DYNC1H1: variants seen among roughly 807,000 people sequenced by gnomAD.
DYNC1H1 encodes the protein dynein cytoplasmic 1 heavy chain 1, also known as cytoplasmic dynein 1 heavy chain 1.
In DYNC1H1, 51 loss-of-function variants were observed where a neutral mutation model predicts 527.1. That is an observed-to-expected ratio of 0.10 (90% CI 0.08 to 0.12). The LOEUF (loss-of-function observed/expected upper bound fraction) is 0.12, where lower values mean the gene tolerates loss of function less well. Ranked by LOEUF, DYNC1H1 falls within the 10% of genes least tolerant of loss-of-function variation. The probability of loss-of-function intolerance (pLI) is 1.00; values close to 1 mark genes in which losing one functional copy is unlikely to be tolerated. For missense variants in DYNC1H1, 2,771 were observed against 5,971.8 expected (o/e 0.46, Z 17.66); for synonymous variants, 2,189 against 2,278.8 (o/e 0.96, Z 1.12).
rs2141274673 is a variant in DYNC1H1, at chr14:101,985,971, T to C, written c.1746T>C (p.Phe582=). Residue 582 remains phenylalanine (F), a synonymous_variant, in exon 8 of 78, where the codon TTT becomes TTC. Transcript: ENST00000360184. This position sits in a 1 kb window ranked among gnomAD's most constrained non-coding sequence, Gnocchi z 5.9. Reference sequence around the variant, plus strand: ...CAGCCAAGAATGCCAACGAGATGTTTAGGATTTTCTCCAGGTTTAATGCAC... The same window carrying C: ...CAGCCAAGAATGCCAACGAGATGTTCAGGATTTTCTCCAGGTTTAATGCAC... ...LGTAKNANEM[F]RIFSRFNALF... is the part of the protein sequence containing the mutation. 6.2e-7 allele frequency: 1 copy of C among 1,614,174 alleles called. No homozygotes were observed. The highest frequency in any genetic ancestry group is 1.1e-5 in the South Asian group (1 of 91,086).
chr14:101,980,067 G>A, intron 4 of DYNC1H1, 93 bp downstream of exon 4: 1 of 1,578,210 alleles, frequency 6.3e-7, no homozygotes, highest in Non-Finnish European at 8.6e-7. Context: ...GGTAAATTAT[G>A]TGATAACTTG....
intron 43 of DYNC1H1, 94 bp from the exon 44 acceptor site, chr14:102,026,478 AAC>A (rs1429368474): frequency 5.9e-6 from 8 of 1,355,412 alleles, no homozygotes; most frequent in Non-Finnish European, 8.3e-6. Context: ...TTGCATTTTT[AAC>A]AGTTTCTTCA....
At chr14:101,982,480 T>C (rs1380016621) in intron 5 of DYNC1H1, among the ~76,000 whole-genome samples, 2 of 151,954 alleles carry the variant, frequency 1.3e-5, no homozygotes, top group Non-Finnish European at 2.9e-5. Flanking sequence ...TAGTCCCAGC[T>C]GCTTGGGAGG....
chr14:102,005,261 C>T lies in DYNC1H1; in HGVS notation c.5433+25C>T. On this transcript the variant is annotated intron_variant, in intron 26 of 77. Transcript: ENST00000360184. This position sits in a 1 kb window ranked among gnomAD's most constrained non-coding sequence, Gnocchi z 4.0. Reference sequence around the variant, plus strand: ...GGTTAGTCTCACACCTGACTCCTTCCTTACCAGTTAGACTCTTACACCCTC... The same window carrying T: ...GGTTAGTCTCACACCTGACTCCTTCTTTACCAGTTAGACTCTTACACCCTC... The T allele has an allele frequency of 2.5e-6, 4 of 1,613,748 alleles. No individual in the cohort carries two copies. The highest frequency in any genetic ancestry group is 3.4e-6 in the Non-Finnish European group (4 of 1,179,770).
chr14:102,002,883 C>T lies in DYNC1H1; in HGVS notation c.4801C>T (p.Leu1601=), dbSNP rs781283405. 1 of 1,614,226 alleles carries T rather than the reference C, an allele frequency of 6.2e-7. No homozygotes were observed. The part of the protein sequence containing the change: ...VLNIQGVQRS[L]ERLADLLGKI... ...GAACATCCAGGGAGTACAGAGGTCT[C>T]TGGAAAGATTGGCAGACCTGCTAGG... The change falls in exon 23 of 78, where the codon CTG becomes TTG. Residue 1601 remains leucine (L), a synonymous_variant. Transcript: ENST00000360184. This position sits in a 1 kb window ranked among gnomAD's most constrained non-coding sequence, Gnocchi z 4.4.
intron 18 of DYNC1H1, 57 bp downstream of exon 18, chr14:102,000,456 T>C (rs2048117007): frequency 1.3e-6 from 2 of 1,549,324 alleles, no homozygotes; most frequent in South Asian, 2.3e-5. Context: ...AGACTTTATT[T>C]AGGAACGTGA....
At chr14:101,988,976 GA>G in intron 10 of DYNC1H1, 124 bp downstream of exon 10, 1 of 1,339,514 alleles carries the variant, frequency 7.5e-7, no homozygotes, top group Non-Finnish European at 1.0e-6. Flanking sequence ...ACCAGGTGAT[GA>G]AGGTCAGCCT....
chr14:102,019,842 T>C, intron 41 of DYNC1H1, 51 bp from the exon 42 acceptor site: 1 of 1,611,196 alleles, frequency 6.2e-7, no homozygotes, highest in Non-Finnish European at 8.5e-7. Flanking sequence ...TGACCACTTC[T>C]CTGTGTCTTA....
chr14:102,024,909 T>A (rs2048431707), intron 43 of DYNC1H1, among the ~76,000 whole-genome samples: 1 of 151,798 alleles, frequency 6.6e-6, no homozygotes, highest in Admixed American at 6.6e-5. Flanking sequence ...TTAGCCAGGA[T>A]GGTCTCGATC....
intron 29 of DYNC1H1, chr14:102,009,521 CA>C: frequency 4.3e-6 from 1 of 231,504 alleles, no homozygotes; most frequent in South Asian, 6.1e-5. Flanking sequence ...TTTTTTTTTG[CA>C]CAATTTGTTG....
chr14:102,048,619 A>G lies in DYNC1H1; in HGVS notation c.13322A>G (p.Lys4441Arg). The G allele has an allele frequency of 6.2e-7, 1 of 1,614,048 alleles. No individual in the cohort carries two copies. The highest frequency in any genetic ancestry group is 1.1e-5 in the South Asian group (1 of 91,084). The change falls in exon 74 of 78, where the codon AAG (lysine) becomes AGG (arginine). Residue 4441 changes from lysine (K) to arginine (R), a missense_variant. By Grantham distance (26) the Lys-to-Arg change is conservative. This residue lies in a region of DYNC1H1 where 170 missense variants were observed against 249.8 expected (regional missense o/e 0.68). Transcript: ENST00000360184. The stretch of plus-strand genomic sequence containing the variant: ...GATGTCGTCCAGGTGTGCGAAGGAA[A>G]GAAGAAGCAGACCAACTACTTGCGC... ...LADVVQVCEG[K>R]KKQTNYLRTL...
Position 101,983,634 on chromosome 14 carries a change from GTGTTT to G in DYNC1H1, c.1461+32_1461+36del, listed in dbSNP as rs545742031. 3 of 1,607,196 alleles carry G rather than the reference GTGTTT, an allele frequency of 1.9e-6. No homozygotes were observed. In the East Asian group the frequency reaches 6.7e-5, roughly 36 times the overall value. On this transcript the variant is annotated intron_variant, in intron 7 of 77. Coordinates refer to ENST00000360184, the MANE Select transcript of DYNC1H1 (RefSeq NM_001376.5). This position sits in a 1 kb window ranked among gnomAD's most constrained non-coding sequence, Gnocchi z 5.3. ...GGTAAGATTTGCATTCTAAAAGTTTGTGTTTTGTTTTTGTTTTTGTTTTGTTTTTT... is the reference window on the plus strand; with the variant it reads ...GGTAAGATTTGCATTCTAAAAGTTTGTGTTTTTGTTTTTGTTTTGTTTTTT...
chr14:101,964,886 G>A lies in DYNC1H1; in HGVS notation c.195G>A (p.Met65Ile), dbSNP rs577413889. 2 of 1,600,410 alleles carry A rather than the reference G, an allele frequency of 1.2e-6. No individual in the cohort carries two copies. Among genetic ancestry groups the A allele is most frequent in the African/African-American group, 1.3e-5 (1 of 74,864 alleles). Residue 65 changes from methionine (M) to isoleucine (I), a missense_variant, in exon 1 of 78, where the codon ATG (methionine) becomes ATA (isoleucine). Transcript: ENST00000360184. This position sits in a 1 kb window ranked among gnomAD's most constrained non-coding sequence, Gnocchi z 5.5. ...ALEEKSALEQ[M>I]RKFLSDPQVH... ...AGGAGAAGAGCGCCCTGGAGCAGATGCGCAAGTTCCTTTCGGACCCGCAGG... is the reference window on the plus strand; with the variant it reads ...AGGAGAAGAGCGCCCTGGAGCAGATACGCAAGTTCCTTTCGGACCCGCAGG...
chr14:101,971,063 C>T (rs1233843913), intron 1 of DYNC1H1, among the ~76,000 whole-genome samples: 1 of 143,056 alleles, frequency 7.0e-6, no homozygotes, highest in Non-Finnish European at 1.5e-5. Context: ...GCCCTGTCTA[C>T]TCAGGAGAGG....
chr14:101,994,888 T>C (rs1289085743), intron 13 of DYNC1H1, 39 bp downstream of exon 13: 19 of 1,613,946 alleles, frequency 1.2e-5, no homozygotes, highest in Non-Finnish European at 1.6e-5. Flanking sequence ...TCACGGGTAG[T>C]GTAAAAGCAA....
rs868216831 is a variant in DYNC1H1 at position 102,000,761 on chromosome 14, A to G, written c.4075-193A>G. The G allele has an allele frequency of 5.2e-6, 3 of 572,568 alleles. No individual in the cohort carries two copies. The South Asian group carries it at 5.5e-5, about 11-fold the overall frequency. The allele number at this position is 572,568 out of a possible 1,614,324, so 35.5% of individuals were successfully genotyped here. A position where few individuals can be genotyped will look rare whatever the true frequency, so the allele number is the denominator to read the frequency against. ...GGCTAATTTTGTATTTTTAGTAGAGACAGGGTTTCTCCATATTGGTCAGGC... is the reference window on the plus strand; with the variant it reads ...GGCTAATTTTGTATTTTTAGTAGAGGCAGGGTTTCTCCATATTGGTCAGGC... On this transcript the variant is annotated intron_variant, in intron 18 of 77. Coordinates refer to ENST00000360184, the MANE Select transcript of DYNC1H1 (RefSeq NM_001376.5).
Position 102,040,004 on chromosome 14 carries a change from ATTT to A in DYNC1H1, c.11691-226_11691-224del, listed in dbSNP as rs1005932023. On this transcript the variant is annotated intron_variant, in intron 62 of 77. Coordinates refer to ENST00000360184, the MANE Select transcript of DYNC1H1 (RefSeq NM_001376.5). ...AGGCGCAGGCCACCACATCTGGCTAATTTTTTTTGTATTTTTAGTAGAGACGGG... is the reference window on the plus strand; with the variant it reads ...AGGCGCAGGCCACCACATCTGGCTAATTTTTGTATTTTTAGTAGAGACGGG... Among the ~76,000 whole-genome samples the A allele has an allele frequency of 4.0e-5, 6 of 151,856 alleles. No homozygotes were observed. The East Asian group carries it at 1.2e-3, about 29-fold the overall frequency.
rs2180509 is a variant in DYNC1H1 at position 102,001,913 on chromosome 14, A to G, written c.4542+232A>G. Reference sequence around the variant, plus strand: ...CCTCAGCCTCCAGGTAGCTGGGACCACAGGCACATGCCACCATGCTGGGCT... The same window carrying G: ...CCTCAGCCTCCAGGTAGCTGGGACCGCAGGCACATGCCACCATGCTGGGCT... On this transcript the variant is annotated intron_variant, in intron 21 of 77. Transcript: ENST00000360184. The surrounding 1 kb of genome is among the most constrained non-coding windows in gnomAD (Gnocchi z 5.0). 0.33 allele frequency among the ~76,000 whole-genome samples: 50,302 copies of G among 151,924 alleles called. 11,704 individuals carry two copies. The highest frequency in any genetic ancestry group is 0.67 in the African/African-American group (27,659 of 41,390).
intron 12 of DYNC1H1, 124 bp from the exon 13 acceptor site, chr14:101,994,549 G>A (rs2048036022): frequency 7.1e-7 from 1 of 1,400,428 alleles, no homozygotes; most frequent in Admixed American, 2.0e-5. Context: ...AGAGTCTGAA[G>A]TGAGAATTTC....
Sources: gnomAD v4.1 joint callset for allele counts (sites outside exome capture counted in the v4.1 genomes callset) on GRCh38, gnomAD v4.1.1 for gene constraint, gnomAD v4.1.1 regional missense constraint, Gnocchi (gnomAD v3.1) non-coding constraint, MANE v1.5 for transcripts, NCBI Gene and HGNC (gene_info 2026-07-23, HGNC 2026-07-21) for gene names.